Variants in CAST observed in about 807,000 individuals in gnomAD.
CAST encodes MIR583 host.
In CAST, 76 loss-of-function variants were observed where a neutral mutation model predicts 119.6. That is an observed-to-expected ratio of 0.64 (90% confidence interval 0.53 to 0.77). CAST has a LOEUF of 0.77. CAST is among the 30% of genes least tolerant of loss of function. CAST has a pLI of 0.00. For synonymous variants in CAST, 319 were observed against 331.6 expected (o/e 0.96, Z 0.41); for missense variants, 953 against 946.5 (o/e 1.01, Z -0.09).
the CAST span, among the ~76,000 whole-genome samples, chr5:96,028,482 A>C: frequency 1.3e-5 from 2 of 152,082 alleles, no homozygotes; most frequent in Non-Finnish European, 2.9e-5. Flanking sequence ...CAGTATTTAC[A>C]GAACTTAATG....
chr5:96,521,403 CTCTT>C, upstream of CAST, among the ~76,000 whole-genome samples: 1 of 152,348 alleles, frequency 6.6e-6, no homozygotes, highest in Admixed American at 6.5e-5. Flanking sequence ...GCACACCAAA[CTCTT>C]TCTCACGTTC....
the CAST span, among the ~76,000 whole-genome samples, chr5:96,246,187 C>CTTTTTT: frequency 1.4e-4 from 11 of 76,386 alleles, 1 homozygote; most frequent in Non-Finnish European, 2.2e-4. Context: ...GTCTGTCTTC[C>CTTTTTT]TTTTTTTTTT....
chr5:96,099,921 A>G, the CAST span, among the ~76,000 whole-genome samples: 1 of 152,214 alleles, frequency 6.6e-6, no homozygotes, highest in Non-Finnish European at 1.5e-5. Flanking sequence ...TCTTCTATGT[A>G]TATCTGGTAG....
the CAST span, among the ~76,000 whole-genome samples, chr5:96,355,746 G>C: frequency 2.0e-5 from 3 of 151,924 alleles, no homozygotes; most frequent in East Asian, 3.9e-4. Context: ...TGTGTCACCA[G>C]TCTTGAGTGC....
chr5:96,154,593 G>A, the CAST span, among the ~76,000 whole-genome samples: 7 of 152,118 alleles, frequency 4.6e-5, no homozygotes, highest in East Asian at 5.8e-4. Flanking sequence ...TTTCTGTTCC[G>A]GGATCCATCC....
Position 96,596,415 on chromosome 5 carries a change from G to A in CAST, c.60+66535G>A, listed in dbSNP as rs560139753. On this transcript the variant is annotated intron_variant, in intron 1 of 11. Coordinates refer to the CAST transcript ENST00000505143. ...TCCCCTCAGAACCTCCAGAAGGAAC[G>A]ACCCCACCAACCTCTTGATATTTGC... Among the ~76,000 whole-genome samples, 4 of 152,284 alleles carry A rather than the reference G, an allele frequency of 2.6e-5. No homozygotes were observed. In the East Asian group the frequency reaches 5.8e-4, roughly 22 times the overall value.
the CAST span, among the ~76,000 whole-genome samples, chr5:96,484,034 A>G: frequency 1.3e-5 from 2 of 152,122 alleles, no homozygotes; most frequent in African/African-American, 4.8e-5. Flanking sequence ...TGCTGTGTCT[A>G]CCTTCTTGTA....
chr5:96,291,822 A>G, the CAST span, among the ~76,000 whole-genome samples: 1 of 149,758 alleles, frequency 6.7e-6, no homozygotes, highest in Non-Finnish European at 1.5e-5. Flanking sequence ...TATGATCAAT[A>G]GAAGACTGAT....
chr5:96,512,772 A>C, the CAST span, among the ~76,000 whole-genome samples: 3 of 152,262 alleles, frequency 2.0e-5, no homozygotes, highest in African/African-American at 7.2e-5. Context: ...ACAATTAAAT[A>C]CTTAGTATTA....
chr5:96,634,865 CTG>C lies in CAST; in HGVS notation c.61-40671_61-40670del, dbSNP rs1466211004. On this transcript the variant is annotated intron_variant, in intron 1 of 11. Transcript: ENST00000505143. ...CAACAACAAAATCTTTGCATTCTGA[CTG>C]TGCGATTTGGGAGATTCAGAAGAGC... Among the ~76,000 whole-genome samples, 33 of 152,334 alleles carry C rather than the reference CTG, an allele frequency of 2.2e-4. 2 individuals are homozygous for C. Among genetic ancestry groups the C allele is most frequent in the African/African-American group, 7.0e-4 (29 of 41,578 alleles).
At chr5:96,239,665 A>G in the CAST span, among the ~76,000 whole-genome samples, 7 of 151,678 alleles carry the variant, frequency 4.6e-5, no homozygotes, top group Admixed American at 1.3e-4. Context: ...TATTGTTTCT[A>G]TCTCATTTTC....
the CAST span, among the ~76,000 whole-genome samples, chr5:96,289,437 C>T: frequency 0.019 from 2,964 of 152,146 alleles, 93 homozygotes; most frequent in African/African-American, 0.068. Flanking sequence ...ATCATGGGGG[C>T]GGTTTCCCTG....
intron 1 of CAST, among the ~76,000 whole-genome samples, chr5:96,564,026 A>G (rs969445598): frequency 2.0e-5 from 3 of 152,236 alleles, no homozygotes; most frequent in African/African-American, 7.2e-5. Context: ...CCAGGCCATT[A>G]TAAATATCAT....
intron 16 of CAST, chr5:96,743,608 G>A (rs753136449): frequency 2.2e-5 from 35 of 1,609,536 alleles, no homozygotes; most frequent in Non-Finnish European, 2.7e-5. Context: ...CCTTGAGTCT[G>A]GGACTGCCCT....
At chr5:96,361,860 GT>G in the CAST span, among the ~76,000 whole-genome samples, 34 of 112,004 alleles carry the variant, frequency 3.0e-4, no homozygotes, top group African/African-American at 1.2e-3. Flanking sequence ...TATACTTTAA[GT>G]TCTAGGGTAC....
At chr5:96,147,603 AAAAAC>A in the CAST span, among the ~76,000 whole-genome samples, 2,592 of 151,930 alleles carry the variant, frequency 0.017, 63 homozygotes, top group African/African-American at 0.057. Flanking sequence ...ACTCCGTCTC[AAAAAC>A]AAAACAAAAC....
the CAST span, among the ~76,000 whole-genome samples, chr5:96,137,986 A>G: frequency 6.6e-6 from 1 of 151,944 alleles, no homozygotes; most frequent in Non-Finnish European, 1.5e-5. Context: ...CACATTTTTA[A>G]CTTTAACAAA....
the CAST span, among the ~76,000 whole-genome samples, chr5:96,343,385 AGTTCT>A: frequency 6.6e-6 from 1 of 152,198 alleles, no homozygotes; most frequent in African/African-American, 2.4e-5. Flanking sequence ...TTCAGTTTAA[AGTTCT>A]GTTCTATTTT....
At chr5:96,043,500 T>G in the CAST span, among the ~76,000 whole-genome samples, 11 of 152,194 alleles carry the variant, frequency 7.2e-5, no homozygotes, top group Non-Finnish European at 1.5e-4. Context: ...CTAACAAATC[T>G]TGAGGTAGGG....
Sources: gnomAD v4.1 joint callset for allele counts (sites outside exome capture counted in the v4.1 genomes callset) on GRCh38, gnomAD v4.1.1 for gene constraint, MANE v1.5 for transcripts, NCBI Gene and HGNC (gene_info 2026-07-23, HGNC 2026-07-21) for gene names.